Variants in CDH13 observed in about 807,000 individuals in gnomAD.
CDH13 encodes the protein cadherin 13.
In CDH13, 24 loss-of-function variants were observed where a neutral mutation model predicts 63.8. The observed-to-expected ratio is 0.38, with a 90% CI of 0.27 to 0.53. The LOEUF is 0.53. Ranked by LOEUF, CDH13 falls within the 20% of genes least tolerant of loss-of-function variation. The probability of loss-of-function intolerance (pLI) is 0.85; values close to 1 mark genes in which losing one functional copy is unlikely to be tolerated. For synonymous variants in CDH13, 503 were observed against 355.3 expected (o/e 1.42, Z -4.67); for missense variants, 1,049 against 903.1 (o/e 1.16, Z -2.07).
At chr16:83,666,961 T>C (rs1351831523) in intron 8 of CDH13, among the ~76,000 whole-genome samples, 3 of 152,122 alleles carry the variant, frequency 2.0e-5, no homozygotes, top group African/African-American at 4.8e-5. Context: ...AAATATATCA[T>C]GTCTGTTTTG....
chr16:83,096,028 G>A (rs1481089469), intron 3 of CDH13, among the ~76,000 whole-genome samples: 1 of 152,172 alleles, frequency 6.6e-6, no homozygotes, highest in East Asian at 1.9e-4. Context: ...AAAGGTCCAG[G>A]AAGAGGGTGT....
At chr16:83,652,925 A>G (rs1398644437) in intron 8 of CDH13, among the ~76,000 whole-genome samples, 1 of 152,226 alleles carries the variant, frequency 6.6e-6, no homozygotes, top group Non-Finnish European at 1.5e-5. Context: ...ATAAATGGAG[A>G]AACAAAACAT....
At chr16:83,776,378 C>G (rs998763749) in intron 11 of CDH13, among the ~76,000 whole-genome samples, 1 of 152,146 alleles carries the variant, frequency 6.6e-6, no homozygotes, top group Non-Finnish European at 1.5e-5. Context: ...CTAAAACTGA[C>G]AGTGAAAAAC....
intron 1 of CDH13, among the ~76,000 whole-genome samples, chr16:82,666,585 C>G (rs550261883): frequency 6.6e-6 from 1 of 152,202 alleles, no homozygotes; most frequent in African/African-American, 2.4e-5. Context: ...GGATGTCTGA[C>G]ATAACAACAA....
At chr16:83,622,813 AG>A (rs1281072452) in intron 8 of CDH13, among the ~76,000 whole-genome samples, 3 of 152,244 alleles carry the variant, frequency 2.0e-5, no homozygotes, top group African/African-American at 7.2e-5. Context: ...GTTCTGAGTT[AG>A]CAGGGTTGCA....
At chr16:83,272,866 G>C (rs1181380359) in intron 5 of CDH13, among the ~76,000 whole-genome samples, 1 of 152,090 alleles carries the variant, frequency 6.6e-6, no homozygotes, top group Non-Finnish European at 1.5e-5. Context: ...AGCCCTGTGG[G>C]GATTTTAGAC....
At chr16:83,252,719 G>A (rs899040104) in intron 5 of CDH13, among the ~76,000 whole-genome samples, 2 of 152,066 alleles carry the variant, frequency 1.3e-5, no homozygotes, top group African/African-American at 4.8e-5. Flanking sequence ...TGAGTGTCAT[G>A]ACTAGGGAGG....
At chr16:83,418,174 C>G (rs938082545) in intron 6 of CDH13, among the ~76,000 whole-genome samples, 21 of 152,178 alleles carry the variant, frequency 1.4e-4, no homozygotes, top group African/African-American at 4.8e-4. Flanking sequence ...TCTTACTGTG[C>G]TACACTTTTC....
intron 5 of CDH13, among the ~76,000 whole-genome samples, chr16:83,333,976 G>A (rs1159277397): frequency 6.6e-6 from 1 of 152,094 alleles, no homozygotes; most frequent in Non-Finnish European, 1.5e-5. Context: ...AATCCAACAT[G>A]TGTCAGGGTA....
intron 2 of CDH13, among the ~76,000 whole-genome samples, chr16:82,988,675 T>C (rs1197241108): frequency 6.6e-6 from 1 of 151,436 alleles, no homozygotes; most frequent in Non-Finnish European, 1.5e-5. Flanking sequence ...GACAGGAGAA[T>C]TGCTTGAACC....
Position 83,487,178 on chromosome 16 carries a change from C to T in CDH13, c.960+523C>T, listed in dbSNP as rs1284010217. Among the ~76,000 whole-genome samples the T allele has an allele frequency of 2.6e-5, 4 of 152,202 alleles. No individual in the cohort carries two copies. The South Asian group carries it at 6.2e-4, about 24-fold the overall frequency. On this transcript the variant is annotated intron_variant, in intron 7 of 13. Coordinates refer to ENST00000567109, the MANE Select transcript of CDH13 (RefSeq NM_001257.5). Reference sequence around the variant, plus strand: ...TAGGCTTTCTCCGTGAAATCTCCCCCGTCTCCTGGGTCACATGTCACAAAC... The same window carrying T: ...TAGGCTTTCTCCGTGAAATCTCCCCTGTCTCCTGGGTCACATGTCACAAAC...
chr16:82,756,474 C>G (rs902873009), intron 1 of CDH13, among the ~76,000 whole-genome samples: 3 of 152,052 alleles, frequency 2.0e-5, no homozygotes, highest in African/African-American at 7.2e-5. Flanking sequence ...CGTGGCAACC[C>G]GGGGTGACTA....
intron 6 of CDH13, among the ~76,000 whole-genome samples, chr16:83,379,742 C>T (rs1054599351): frequency 3.3e-5 from 5 of 151,852 alleles, no homozygotes; most frequent in Admixed American, 6.6e-5. Flanking sequence ...AAAACCACTA[C>T]GTTGTAAATT....
At chr16:83,114,487 T>C (rs551954314) in intron 3 of CDH13, among the ~76,000 whole-genome samples, 2 of 152,338 alleles carry the variant, frequency 1.3e-5, no homozygotes, top group South Asian at 4.1e-4. Flanking sequence ...TCATCTTCTC[T>C]GACCCTTTAA....
chr16:83,059,789 G>GTTTTTTTTTTTTTTTT (rs1256608391), intron 3 of CDH13, among the ~76,000 whole-genome samples: 2 of 98,754 alleles, frequency 2.0e-5, no homozygotes, highest in African/African-American at 7.5e-5. Flanking sequence ...TTTTTTTTTT[G>GTTTTTTTTTTTTTTTT]TTTGTTTTTT....
At chr16:83,742,987 C>G (rs887180342) in intron 10 of CDH13, among the ~76,000 whole-genome samples, 1 of 152,160 alleles carries the variant, frequency 6.6e-6, no homozygotes, top group Non-Finnish European at 1.5e-5. Flanking sequence ...GCAGGTGGAT[C>G]GCTTGAGGTC....
intron 10 of CDH13, among the ~76,000 whole-genome samples, chr16:83,691,788 T>G (rs779961551): frequency 2.0e-5 from 3 of 152,154 alleles, no homozygotes; most frequent in Non-Finnish European, 4.4e-5. Flanking sequence ...GCATGTCTGA[T>G]CCACTTCCCT....
intron 3 of CDH13, among the ~76,000 whole-genome samples, chr16:83,073,542 C>A (rs1428752940): frequency 6.6e-6 from 1 of 152,058 alleles, no homozygotes; most frequent in Non-Finnish European, 1.5e-5. Context: ...ATTTTGTTCC[C>A]TGTGAGCCCT....
intron 5 of CDH13, among the ~76,000 whole-genome samples, chr16:83,308,423 G>A (rs989678362): frequency 6.6e-6 from 1 of 152,164 alleles, no homozygotes; most frequent in Non-Finnish European, 1.5e-5. Context: ...GTCCAACACA[G>A]GATTCTAATA....
Sources: gnomAD v4.1 joint callset for allele counts (sites outside exome capture counted in the v4.1 genomes callset) on GRCh38, gnomAD v4.1.1 for gene constraint, MANE v1.5 for transcripts, NCBI Gene and HGNC (gene_info 2026-07-23, HGNC 2026-07-21) for gene names.